The following LYPLA1 variants were observed in gnomAD, a reference collection of about 807,000 sequenced individuals.
LYPLA1 encodes lysophospholipase 1.
LYPLA1 carries 17 observed loss-of-function variants against 34.0 expected under a neutral mutation model. That is an observed-to-expected ratio of 0.50 (90% CI 0.34 to 0.75). LYPLA1 has a LOEUF of 0.75. LYPLA1 is among the 30% of genes least tolerant of loss of function. LYPLA1 has a pLI of 0.01. For synonymous variants in LYPLA1, 98 were observed against 100.8 expected (o/e 0.97, Z 0.17); for missense variants, 203 against 288.8 (o/e 0.70, Z 2.15).
At chr8:54,071,866 C>A (rs965424815) in intron 2 of LYPLA1, among the ~76,000 whole-genome samples, 1 of 151,986 alleles carries the variant, frequency 6.6e-6, no homozygotes, top group South Asian at 2.1e-4. Context: ...ACATTCTTCA[C>A]GGAATTAGGA....
At chr8:54,059,239 A>G (rs1806425725) in intron 5 of LYPLA1, among the ~76,000 whole-genome samples, 1 of 152,026 alleles carries the variant, frequency 6.6e-6, no homozygotes, top group Non-Finnish European at 1.5e-5. Flanking sequence ...TGATCCCATA[A>G]GTCAGTGTTG....
chr8:54,092,855 G>C (rs770621262), intron 2 of LYPLA1, among the ~76,000 whole-genome samples: 4 of 152,130 alleles, frequency 2.6e-5, no homozygotes, highest in Admixed American at 6.5e-5. Flanking sequence ...ATCAGGACCT[G>C]TGTGGTGGCA....
intron 8 of LYPLA1, among the ~76,000 whole-genome samples, chr8:54,048,502 C>T (rs545864644): frequency 3.9e-5 from 6 of 152,214 alleles, no homozygotes; most frequent in South Asian, 2.1e-4. Context: ...CTGAATTATG[C>T]GCTAAATCCA....
chr8:54,062,294 T>G lies in LYPLA1; in HGVS notation c.246A>C (p.Ser82=), dbSNP rs1411769462. The change falls in exon 5 of 9, where the codon TCA becomes TCC. Residue 82 remains serine (S), a synonymous_variant. Coordinates refer to ENST00000316963, the MANE Select transcript of LYPLA1 (RefSeq NM_006330.4). ...GTTTAATCCCAGATTCATCCTCCTG[T>G]GAATCTGGTGAAAGCCCAATAATAT... ...WFDIIGLSPD[S]QEDESGIKQA... 1 of 1,607,108 alleles carries G rather than the reference T, an allele frequency of 6.2e-7. No homozygotes were observed. The highest frequency in any genetic ancestry group is 8.5e-7 in the Non-Finnish European group (1 of 1,177,736).
rs1160036768 is a variant in LYPLA1, at chr8:54,047,163, CCT to C, written c.*900_*901del. 6.6e-6 allele frequency: 1 copy of C among 152,078 alleles called. No individual in the cohort carries two copies. Among genetic ancestry groups the C allele is most frequent in the East Asian group, 1.9e-4 (1 of 5,202 alleles). The allele number at this position is 152,078 out of a possible 1,614,324, so 9.4% of individuals were successfully genotyped here. A position where few individuals can be genotyped will look rare whatever the true frequency, so the allele number is the denominator to read the frequency against. On this transcript the variant is annotated 3_prime_UTR_variant, in exon 9 of 9. Coordinates refer to ENST00000316963, the MANE Select transcript of LYPLA1 (RefSeq NM_006330.4). The stretch of plus-strand genomic sequence containing the variant: ...AGAAAAATGAAACCACAGAATTATT[CCT>C]GTTACCTGGGTTGAAGATCCTAATA...
chr8:54,098,304 T>C (rs923404373), intron 2 of LYPLA1, among the ~76,000 whole-genome samples: 2 of 152,060 alleles, frequency 1.3e-5, no homozygotes, highest in African/African-American at 2.4e-5. Context: ...GGTGAATGGA[T>C]ATAGCATGGA....
At chr8:54,095,748 A>G (rs1324154686) in intron 2 of LYPLA1, among the ~76,000 whole-genome samples, 2 of 149,076 alleles carry the variant, frequency 1.3e-5, no homozygotes, top group East Asian at 3.9e-4. Flanking sequence ...ACTGGCTTAC[A>G]CTTTTTTTTT....
intron 2 of LYPLA1, among the ~76,000 whole-genome samples, chr8:54,091,295 C>G (rs963183049): frequency 1.9e-4 from 29 of 151,780 alleles, no homozygotes; most frequent in African/African-American, 6.5e-4. Flanking sequence ...CAAGACCAAC[C>G]TGGCCAACAC....
chr8:54,089,192 T>G (rs1237767674), intron 2 of LYPLA1, among the ~76,000 whole-genome samples: 1 of 152,004 alleles, frequency 6.6e-6, no homozygotes. Context: ...TTTAAAAGAG[T>G]GAAGTTTTTG....
At position 54,046,883 on chromosome 8, in the gene LYPLA1, G is replaced by C. The variant is rs562758683; in HGVS notation, c.*1182C>G. ...AATTTAAAATGATTGCTATTTTTAT[G>C]TCTGCATCAAAAACTAATACAAAAA... On this transcript the variant is annotated 3_prime_UTR_variant, in exon 9 of 9. Coordinates refer to ENST00000316963, the MANE Select transcript of LYPLA1 (RefSeq NM_006330.4). The C allele has an allele frequency of 1.3e-5, 2 of 152,142 alleles. No individual in the cohort carries two copies. The highest frequency in any genetic ancestry group is 6.5e-5 in the Admixed American group (1 of 15,280). The allele number at this position is 152,142 out of a possible 1,614,324, so 9.4% of individuals were successfully genotyped here.
At chr8:54,059,322 G>A (rs1696100032) in intron 5 of LYPLA1, among the ~76,000 whole-genome samples, 1 of 68,582 alleles carries the variant, frequency 1.5e-5, no homozygotes, top group South Asian at 7.5e-4. Flanking sequence ...TTTTGAGACG[G>A]AGTCTCGCTC....
At chr8:54,076,057 T>C (rs1807877810) in intron 2 of LYPLA1, among the ~76,000 whole-genome samples, 1 of 152,184 alleles carries the variant, frequency 6.6e-6, no homozygotes, top group Non-Finnish European at 1.5e-5. Context: ...AGAGCTCCTA[T>C]TATCTGGAAC....
chr8:54,044,510 T>C (rs938549782), downstream of LYPLA1, among the ~76,000 whole-genome samples: 5 of 152,142 alleles, frequency 3.3e-5, no homozygotes, highest in African/African-American at 1.2e-4. Context: ...TTTTGAGGGA[T>C]GATTTCATCT....
At chr8:54,079,321 T>G (rs1422244514) in intron 2 of LYPLA1, among the ~76,000 whole-genome samples, 1 of 152,122 alleles carries the variant, frequency 6.6e-6, no homozygotes, top group Non-Finnish European at 1.5e-5. Context: ...GGAATAAACT[T>G]AACGTGCATA....
intron 5 of LYPLA1, among the ~76,000 whole-genome samples, chr8:54,055,646 T>TTA (rs573649020): frequency 9.2e-6 from 1 of 108,506 alleles, no homozygotes; most frequent in African/African-American, 7.1e-5. Flanking sequence ...ATCCTAATTA[T>TTA]TTTTTTTTTT....
intron 5 of LYPLA1, among the ~76,000 whole-genome samples, chr8:54,058,952 A>G (rs1375813056): frequency 6.6e-6 from 1 of 152,128 alleles, no homozygotes; most frequent in Non-Finnish European, 1.5e-5. Flanking sequence ...TCAGTAGCAC[A>G]TTCTCTTTTG....
intron 2 of LYPLA1, 123 bp downstream of exon 2, chr8:54,100,785 T>C: frequency 1.3e-6 from 1 of 790,592 alleles, no homozygotes. Flanking sequence ...CACTGTAAGA[T>C]ACATTAACTG....
At position 54,046,494 on chromosome 8, in the gene LYPLA1, T is replaced by C. The variant is rs1274502225; in HGVS notation, c.*1571A>G. On this transcript the variant is annotated 3_prime_UTR_variant, in exon 9 of 9. Transcript: ENST00000316963. ...TTGCCATAAATAATATCTTGCTGAT[T>C]TGTAGAAGTGAAATAACAGTTTATG... 1 of 152,622 alleles carries C rather than the reference T, an allele frequency of 6.6e-6. No homozygotes were observed. The highest frequency in any genetic ancestry group is 2.4e-5 in the African/African-American group (1 of 41,462). 9.5% of individuals were successfully genotyped at this position (152,622 alleles called of 1,614,324 possible).
At chr8:54,073,768 C>G (rs1329955231) in intron 2 of LYPLA1, among the ~76,000 whole-genome samples, 1 of 152,140 alleles carries the variant, frequency 6.6e-6, no homozygotes, top group African/African-American at 2.4e-5. Flanking sequence ...TGCCCTCCCC[C>G]AAAAAACTAC....
Sources: gnomAD v4.1 joint callset for allele counts (sites outside exome capture counted in the v4.1 genomes callset) on GRCh38, gnomAD v4.1.1 for gene constraint, MANE v1.5 for transcripts, NCBI Gene and HGNC (gene_info 2026-07-23, HGNC 2026-07-21) for gene names.